Variants in NDUFA8 observed in about 807,000 individuals in gnomAD.
NDUFA8 encodes the protein NADH:ubiquinone oxidoreductase subunit A8.
In NDUFA8, 16 loss-of-function variants were observed where a neutral mutation model predicts 20.9. That is an observed-to-expected ratio of 0.77 (90% CI 0.52 to 1.16). The LOEUF (loss-of-function observed/expected upper bound fraction) is 1.16. NDUFA8 is among the 50% of genes most tolerant of loss of function. NDUFA8 has a pLI of 0.00. For synonymous variants in NDUFA8, 70 were observed against 76.1 expected (o/e 0.92, Z 0.41); for missense variants, 202 against 216.4 (o/e 0.93, Z 0.42).
At chr9:122,151,703 T>C (rs1409294181) in intron 2 of NDUFA8, among the ~76,000 whole-genome samples, 1 of 152,242 alleles carries the variant, frequency 6.6e-6, no homozygotes, top group Non-Finnish European at 1.5e-5. Flanking sequence ...CAAGAGCCAA[T>C]TTCCTTTGAG....
At chr9:122,140,898 C>T (rs1464170815), downstream of NDUFA8, among the ~76,000 whole-genome samples, 1 of 152,204 alleles carries the variant, frequency 6.6e-6, no homozygotes, top group Non-Finnish European at 1.5e-5. Flanking sequence ...TGACCAGAGC[C>T]TGGATTCAAA....
Position 122,152,260 on chromosome 9 carries a change from G to A in NDUFA8, c.200C>T (p.Ala67Val), listed in dbSNP as rs1829011902. The change falls in exon 2 of 4, where the codon GCT becomes GTT. Residue 67 changes from alanine (A) to valine (V), a missense_variant. Coordinates refer to ENST00000373768, the MANE Select transcript of NDUFA8 (RefSeq NM_014222.3). ...LEEGKLVNKC[A>V]LDFFRQIKRH... ...AGATTTTTACCTAAAGAAGTCCAAAGCACACTTGTTGACCAGTTTGCCTTC... is the reference window on the plus strand; with the variant it reads ...AGATTTTTACCTAAAGAAGTCCAAAACACACTTGTTGACCAGTTTGCCTTC... The A allele has an allele frequency of 1.9e-6, 3 of 1,614,150 alleles. No homozygotes were observed. Among genetic ancestry groups the A allele is most frequent in the Non-Finnish European group, 2.5e-6 (3 of 1,180,026 alleles).
At chr9:122,152,491 T>C (rs1172313772) in intron 1 of NDUFA8, 83 bp from the exon 2 acceptor site, 10 of 1,321,100 alleles carry the variant, frequency 7.6e-6, no homozygotes, top group Non-Finnish European at 1.1e-5. Context: ...CGGGTCAGAA[T>C]AGAGAACACA....
chr9:122,155,199 C>G (rs1008528154), intron 1 of NDUFA8, among the ~76,000 whole-genome samples: 5 of 152,162 alleles, frequency 3.3e-5, no homozygotes, highest in African/African-American at 1.2e-4. Context: ...CTGCCTCAGC[C>G]TTCCTGAGTA....
chr9:122,151,075 C>A (rs1322061474), intron 2 of NDUFA8, among the ~76,000 whole-genome samples: 1 of 149,710 alleles, frequency 6.7e-6, no homozygotes, highest in African/African-American at 2.5e-5. Context: ...TCAATGTATA[C>A]ATACTATGAT....
rs1829157727 is a variant in NDUFA8, at chr9:122,159,765, A to ACGGCGC, written c.-94_-89dup. On this transcript the variant is annotated 5_prime_UTR_variant, in exon 1 of 4. Coordinates refer to ENST00000373768, the MANE Select transcript of NDUFA8 (RefSeq NM_014222.3). ...TCCCCTTTCGACCGCCGAGTGCCAC[A>ACGGCGC]CGGCGCCTGCGCATGCGCATCCGGC... 2.5e-6 allele frequency: 4 copies of ACGGCGC among 1,578,028 alleles called. No homozygotes were observed. The highest frequency in any genetic ancestry group is 3.5e-6 in the Non-Finnish European group (4 of 1,148,484).
In NDUFA8 at chr9:122,152,261, C is replaced by A. The variant is rs749556641; in HGVS notation, c.199G>T (p.Ala67Ser). The A allele has an allele frequency of 2.5e-6, 4 of 1,614,196 alleles. No individual in the cohort carries two copies. Among genetic ancestry groups the A allele is most frequent in the South Asian group, 1.1e-5 (1 of 91,084 alleles). Residue 67 changes from alanine to serine, a missense_variant, in exon 2 of 4, where the codon GCT (alanine) becomes TCT (serine). Coordinates refer to ENST00000373768, the MANE Select transcript of NDUFA8 (RefSeq NM_014222.3). ...GATTTTTACCTAAAGAAGTCCAAAG[C>A]ACACTTGTTGACCAGTTTGCCTTCC... The part of the protein sequence containing the change: ...LEEGKLVNKC[A>S]LDFFRQIKRH...
chr9:122,143,081 A>G (rs1047902449), downstream of NDUFA8, among the ~76,000 whole-genome samples: 3 of 152,222 alleles, frequency 2.0e-5, no homozygotes, highest in Non-Finnish European at 2.9e-5. Flanking sequence ...CAGATCACAC[A>G]GTGCTTTTTC....
chr9:122,155,363 G>A (rs1829062314), intron 1 of NDUFA8, among the ~76,000 whole-genome samples: 1 of 152,244 alleles, frequency 6.6e-6, no homozygotes, highest in Admixed American at 6.5e-5. Context: ...ATAGGCGTGG[G>A]CCACCACGCC....
At chr9:122,143,424 A>T (rs1313836364), downstream of NDUFA8, among the ~76,000 whole-genome samples, 1 of 152,234 alleles carries the variant, frequency 6.6e-6, no homozygotes, top group Non-Finnish European at 1.5e-5. Context: ...GAGCTTTATA[A>T]ACACTTGTGG....
At chr9:122,138,573 C>T in the NDUFA8 span, among the ~76,000 whole-genome samples, 30 of 152,062 alleles carry the variant, frequency 2.0e-4, no homozygotes, top group Non-Finnish European at 3.2e-4. Context: ...ATACATTGAA[C>T]GATTAACTAG....
At chr9:122,138,568 T>C in the NDUFA8 span, among the ~76,000 whole-genome samples, 2 of 152,184 alleles carry the variant, frequency 1.3e-5, no homozygotes, top group Admixed American at 6.5e-5. Flanking sequence ...CTGATATACA[T>C]TGAACGATTA....
rs1407234938 is a variant in NDUFA8, at chr9:122,144,236, C to T, written c.*5G>A. 1 of 1,613,466 alleles carries T rather than the reference C, an allele frequency of 6.2e-7. No homozygotes were observed. Among genetic ancestry groups the T allele is most frequent in the Admixed American group, 1.7e-5 (1 of 59,996 alleles). On this transcript the variant is annotated 3_prime_UTR_variant, in exon 4 of 4. Transcript: ENST00000373768. ...CATGACCGAGTGTGGGCCACGGACC[C>T]ATCTTTACTTGGTCCAGAAATAAAA...
the NDUFA8 span, among the ~76,000 whole-genome samples, chr9:122,135,715 G>A: frequency 2.2e-4 from 33 of 152,114 alleles, no homozygotes; most frequent in Non-Finnish European, 4.3e-4. Context: ...TCAGCCTCCC[G>A]AGTAGCTGGG....
chr9:122,139,724 C>T (rs923017087), downstream of NDUFA8, among the ~76,000 whole-genome samples: 6 of 152,188 alleles, frequency 3.9e-5, no homozygotes, highest in African/African-American at 1.4e-4. Context: ...GACAGATTCT[C>T]ACTCTGTCAC....
At chr9:122,159,528 GC>G in intron 1 of NDUFA8, 98 bp downstream of exon 1, 1 of 1,453,734 alleles carries the variant, frequency 6.9e-7, no homozygotes, top group Non-Finnish European at 9.7e-7. Flanking sequence ...GGGGAGGGGG[GC>G]CCGGGTCCCA....
chr9:122,135,074 G>GC, the NDUFA8 span, among the ~76,000 whole-genome samples: 4 of 152,288 alleles, frequency 2.6e-5, no homozygotes, highest in East Asian at 5.8e-4. Flanking sequence ...TCAACAGGGG[G>GC]CCCCCGTGCT....
chr9:122,152,376 C>T lies in NDUFA8; in HGVS notation c.84G>A (p.Ala28=), dbSNP rs117079538. ...VKISSAVLKA[A]AHHYGAQCDK... ...CACATTGAGCTCCATAGTGATGGGC[C>T]GCAGCTTTAAGCACAGCAGAACTAA... is the stretch of plus-strand genomic sequence containing the variant. The change falls in exon 2 of 4, where the codon GCG becomes GCA. Residue 28 remains alanine, a synonymous_variant. Transcript: ENST00000373768. The T allele has an allele frequency of 9.9e-6, 16 of 1,613,982 alleles. No homozygotes were observed. Among genetic ancestry groups the T allele is most frequent in the East Asian group, 4.5e-5 (2 of 44,866 alleles).
At chr9:122,154,414 T>C (rs11795026) in intron 1 of NDUFA8, among the ~76,000 whole-genome samples, 66,952 of 152,114 alleles carry the variant, frequency 0.44, 17,801 homozygotes, top group Non-Finnish European at 0.6. Context: ...TCCTTCATTA[T>C]AGGGACCTTG....
Sources: gnomAD v4.1 joint callset for allele counts (sites outside exome capture counted in the v4.1 genomes callset) on GRCh38, gnomAD v4.1.1 for gene constraint, MANE v1.5 for transcripts, NCBI Gene and HGNC (gene_info 2026-07-23, HGNC 2026-07-21) for gene names.